The following CFAP20DC variants were observed in gnomAD, a reference collection of about 807,000 sequenced individuals.
The protein encoded by CFAP20DC is protein CFAP20DC.
CFAP20DC carries 84 observed loss-of-function variants against 101.7 expected under a neutral mutation model. That is an observed-to-expected ratio of 0.83 (90% CI 0.69 to 0.99). The LOEUF (loss-of-function observed/expected upper bound fraction) is 0.99. Ranked by LOEUF, CFAP20DC falls within the 50% of genes least tolerant of loss-of-function variation. The probability of loss-of-function intolerance (pLI) is 0.00; values close to 1 mark genes in which losing one functional copy is unlikely to be tolerated. For synonymous variants in CFAP20DC, 359 were observed against 351.2 expected (o/e 1.02, Z -0.25); for missense variants, 1,007 against 970.3 (o/e 1.04, Z -0.50).
chr3:58,951,505 G>C (rs1329297380), intron 4 of CFAP20DC, among the ~76,000 whole-genome samples: 2 of 152,142 alleles, frequency 1.3e-5, no homozygotes, highest in African/African-American at 4.8e-5. Context: ...TTGGAGCCAA[G>C]CCAAATGTCC....
intron 12 of CFAP20DC, among the ~76,000 whole-genome samples, chr3:58,853,767 T>C (rs1399441800): frequency 2.0e-5 from 3 of 152,142 alleles, no homozygotes; most frequent in Non-Finnish European, 4.4e-5. Context: ...AGAAAAGGCC[T>C]TAGACAAAAT....
At chr3:58,981,195 T>C (rs1002119962) in intron 4 of CFAP20DC, among the ~76,000 whole-genome samples, 13 of 151,880 alleles carry the variant, frequency 8.6e-5, no homozygotes, top group Admixed American at 7.9e-4. Flanking sequence ...CACTGCTCAA[T>C]GAAATAAAAA....
At chr3:58,769,157 C>A (rs562557411) in intron 15 of CFAP20DC, among the ~76,000 whole-genome samples, 77 of 152,276 alleles carry the variant, frequency 5.1e-4, no homozygotes, top group African/African-American at 1.7e-3. Flanking sequence ...GCAGTAAGCC[C>A]GAGTTAGTCC....
intron 6 of CFAP20DC, among the ~76,000 whole-genome samples, chr3:58,887,054 C>A (rs1473641741): frequency 1.3e-5 from 2 of 152,124 alleles, no homozygotes; most frequent in African/African-American, 4.8e-5. Flanking sequence ...ATCCTAATGT[C>A]CTAATCTGAA....
Position 58,863,040 on chromosome 3 carries a change from A to G in CFAP20DC, c.1593+518T>C, listed in dbSNP as rs1010683385. ...CTCCTGTAAGGCAAGTCCCAGCACT[A>G]ATCCACGACTCATTATCTAAACTTT... On this transcript the variant is annotated intron_variant, in intron 12 of 16. Coordinates refer to ENST00000482387, the MANE Select transcript of CFAP20DC (RefSeq NM_001394063.1). This position sits in a 1 kb window ranked among gnomAD's most constrained non-coding sequence, Gnocchi z 5.9. The G allele has an allele frequency of 1.2e-5, 12 of 988,606 alleles. No individual in the cohort carries two copies. The African/African-American group carries it at 1.9e-4, about 16-fold the overall frequency. 61.2% of individuals were successfully genotyped at this position (988,606 alleles called of 1,614,324 possible).
At position 58,868,194 on chromosome 3, in the gene CFAP20DC, C is replaced by A. The variant is rs530588619; in HGVS notation, c.1016-258G>T. On this transcript the variant is annotated intron_variant, in intron 9 of 16. Coordinates refer to ENST00000482387, the MANE Select transcript of CFAP20DC (RefSeq NM_001394063.1). The surrounding 1 kb of genome is among the most constrained non-coding windows in gnomAD (Gnocchi z 4.6). ...CTTATAGAGGGCTAAAGTAATTTGA[C>A]TAATGTTAATCATACAACATGGCAT... Among the ~76,000 whole-genome samples, 4 of 152,176 alleles carry A rather than the reference C, an allele frequency of 2.6e-5. No individual in the cohort carries two copies. In the South Asian group the frequency reaches 6.2e-4, roughly 24 times the overall value.
chr3:58,808,111 G>A (rs1475142741), intron 14 of CFAP20DC, among the ~76,000 whole-genome samples: 1 of 152,232 alleles, frequency 6.6e-6, no homozygotes, highest in East Asian at 1.9e-4. Flanking sequence ...AAGTGACAGG[G>A]AGAATGGAAC....
intron 13 of CFAP20DC, among the ~76,000 whole-genome samples, chr3:58,832,348 G>C (rs1162113989): frequency 6.6e-6 from 1 of 152,174 alleles, no homozygotes; most frequent in Non-Finnish European, 1.5e-5. Context: ...TTTGCTGGGA[G>C]CTCTACAACG....
intron 5 of CFAP20DC, among the ~76,000 whole-genome samples, chr3:58,935,137 T>A (rs1467433159): frequency 3.3e-5 from 5 of 152,056 alleles, no homozygotes; most frequent in Non-Finnish European, 5.9e-5. Context: ...TAACAGACAA[T>A]CAGAGAGCCA....
intron 14 of CFAP20DC, among the ~76,000 whole-genome samples, chr3:58,807,446 C>A (rs1371098406): frequency 1.3e-5 from 2 of 152,224 alleles, no homozygotes; most frequent in Non-Finnish European, 2.9e-5. Context: ...TGCGGATACC[C>A]AGGCAAATAG....
intron 15 of CFAP20DC, among the ~76,000 whole-genome samples, chr3:58,779,991 C>A (rs1368702674): frequency 6.6e-6 from 1 of 151,942 alleles, no homozygotes; most frequent in Non-Finnish European, 1.5e-5. Flanking sequence ...ATAAGGGAAC[C>A]CCTATCAGAC....
At chr3:59,032,631 C>A (rs1418856877) in intron 4 of CFAP20DC, among the ~76,000 whole-genome samples, 1 of 152,178 alleles carries the variant, frequency 6.6e-6, no homozygotes, top group Non-Finnish European at 1.5e-5. Context: ...GCTTCTGTAG[C>A]CAGACTGCCT....
intron 12 of CFAP20DC, among the ~76,000 whole-genome samples, chr3:58,855,600 G>C (rs2078707438): frequency 6.6e-6 from 1 of 151,960 alleles, no homozygotes; most frequent in Non-Finnish European, 1.5e-5. Flanking sequence ...GTCCAACAAT[G>C]ATAGAATGGA....
In CFAP20DC at chr3:58,913,493, C is replaced by A. The variant is rs891501809; in HGVS notation, c.550+215G>T. On this transcript the variant is annotated intron_variant, in intron 6 of 16. Coordinates refer to ENST00000482387, the MANE Select transcript of CFAP20DC (RefSeq NM_001394063.1). The surrounding 1 kb of genome is among the most constrained non-coding windows in gnomAD (Gnocchi z 4.4). ...TTACCATAAAGAAAAAAGAAAACAA[C>A]CACAAAAAGAAGATTAATACCTTTT... is the stretch of plus-strand genomic sequence containing the variant. 9.9e-6 allele frequency: 6 copies of A among 608,640 alleles called. No homozygotes were observed. The highest frequency in any genetic ancestry group is 3.0e-5 in the Admixed American group (1 of 33,754). The allele number at this position is 608,640 out of a possible 1,614,324, so 37.7% of individuals were successfully genotyped here.
intron 5 of CFAP20DC, among the ~76,000 whole-genome samples, chr3:58,931,348 C>T (rs1559844029): frequency 6.6e-6 from 1 of 152,206 alleles, no homozygotes; most frequent in Non-Finnish European, 1.5e-5. Flanking sequence ...GGGCAGGGCA[C>T]AGACAAACAA....
intron 14 of CFAP20DC, among the ~76,000 whole-genome samples, chr3:58,811,058 C>T (rs761721539): frequency 4.6e-5 from 7 of 152,040 alleles, no homozygotes; most frequent in African/African-American, 7.2e-5. Flanking sequence ...TAAAAGAGGA[C>T]ACAAACAAAT....
At chr3:58,753,430 A>T (rs562938791) in intron 16 of CFAP20DC, among the ~76,000 whole-genome samples, 1 of 152,310 alleles carries the variant, frequency 6.6e-6, no homozygotes, top group South Asian at 2.1e-4. Flanking sequence ...TATTTTATAG[A>T]TGTAGTAATC....
chr3:58,883,797 A>T (rs547102989), intron 7 of CFAP20DC, among the ~76,000 whole-genome samples: 38 of 152,262 alleles, frequency 2.5e-4, no homozygotes, highest in African/African-American at 7.2e-4. Context: ...CAGAAAAAAA[A>T]TTTTTGACAT....
chr3:58,998,739 C>T lies in CFAP20DC; in HGVS notation c.278+40818G>A, dbSNP rs555305023. Among the ~76,000 whole-genome samples, 272 of 152,182 alleles carry T rather than the reference C, an allele frequency of 1.8e-3. 1 individual carries two copies. Among genetic ancestry groups the T allele is most frequent in the African/African-American group, 6.0e-3 (251 of 41,532 alleles). On this transcript the variant is annotated intron_variant, in intron 4 of 16. Transcript: ENST00000482387. ...ATCACGATACTGGCCCTGATGATGACGTGTCCCAGAAACAGGAGCTACTCT... is the reference window on the plus strand; with the variant it reads ...ATCACGATACTGGCCCTGATGATGATGTGTCCCAGAAACAGGAGCTACTCT...
Sources: gnomAD v4.1 joint callset for allele counts (sites outside exome capture counted in the v4.1 genomes callset) on GRCh38, gnomAD v4.1.1 for gene constraint, Gnocchi (gnomAD v3.1) non-coding constraint, MANE v1.5 for transcripts, NCBI Gene and HGNC (gene_info 2026-07-23, HGNC 2026-07-21) for gene names.